ZNRF3: variants seen among roughly 807,000 people sequenced by gnomAD.
ZNRF3 encodes the protein zinc and ring finger 3.
A neutral mutation model predicts 72.5 loss-of-function variants in ZNRF3; 23 were observed. The ratio of observed to expected loss-of-function variants is 0.32; its 90% CI spans 0.23 to 0.45. The LOEUF (loss-of-function observed/expected upper bound fraction) is 0.45. Ranked by LOEUF, ZNRF3 falls within the 20% of genes least tolerant of loss-of-function variation. ZNRF3 has a pLI of 1.00. For missense variants in ZNRF3, 1,169 were observed against 1,272.1 expected, an observed-to-expected ratio of 0.92 and a Z score of 1.23; for synonymous variants, 610 against 545.3, an observed-to-expected ratio of 1.12 and a Z score of -1.65.
intron 2 of ZNRF3, among the ~76,000 whole-genome samples, chr22:29,001,269 C>G (rs2036140678): frequency 6.6e-6 from 1 of 151,432 alleles, no homozygotes. Context: ...CAGGGTTTCA[C>G]CATGTTAACC....
chr22:28,886,484 A>T (rs2033790230), intron 1 of ZNRF3, among the ~76,000 whole-genome samples: 1 of 152,214 alleles, frequency 6.6e-6, no homozygotes, highest in Non-Finnish European at 1.5e-5. Context: ...AAAAACCTTT[A>T]TAAGCTTTAG....
chr22:28,911,584 T>A (rs898046241), intron 1 of ZNRF3, among the ~76,000 whole-genome samples: 1 of 152,264 alleles, frequency 6.6e-6, no homozygotes, highest in Non-Finnish European at 1.5e-5. Context: ...TTAGCTGTTA[T>A]TAGTAACAAA....
chr22:29,003,055 T>A (rs1164620649), intron 2 of ZNRF3, among the ~76,000 whole-genome samples: 1 of 152,272 alleles, frequency 6.6e-6, no homozygotes, highest in African/African-American at 2.4e-5. Context: ...TTTGATGTTT[T>A]AGCACCCCAT....
At chr22:28,908,006 A>G (rs2034244014) in intron 1 of ZNRF3, among the ~76,000 whole-genome samples, 1 of 152,214 alleles carries the variant, frequency 6.6e-6, no homozygotes, top group Non-Finnish European at 1.5e-5. Context: ...ATGATGCTCT[A>G]CTTTTGGATC....
At position 29,049,828 on chromosome 22, in the gene ZNRF3, C is replaced by T. The variant is rs2037154077; in HGVS notation, c.1647C>T (p.Ser549=). The part of the protein sequence containing the change: ...CSGYLADCPG[S]DSSSSSSSGQ... ...GCTACCTGGCCGACTGCCCAGGCAG[C>T]GACAGCAGCAGCAGCAGCAGCTCCG... is the stretch of plus-strand genomic sequence containing the variant. Residue 549 remains serine, a synonymous_variant, in exon 8 of 9, where the codon AGC becomes AGT. Transcript: ENST00000544604. This position sits in a 1 kb window ranked among gnomAD's most constrained non-coding sequence, Gnocchi z 5.2. 12 of 1,608,520 alleles carry T rather than the reference C, an allele frequency of 7.5e-6. No homozygotes were observed. The highest frequency in any genetic ancestry group is 1.0e-5 in the Non-Finnish European group (12 of 1,177,418).
chr22:28,947,885 A>G (rs56728146), intron 1 of ZNRF3, among the ~76,000 whole-genome samples: 4,662 of 152,234 alleles, frequency 0.031, 254 homozygotes, highest in African/African-American at 0.11. Context: ...TTGCTCTGTC[A>G]CCAGGTTGGA....
chr22:28,900,086 C>A (rs1367002533), intron 1 of ZNRF3, among the ~76,000 whole-genome samples: 1 of 152,168 alleles, frequency 6.6e-6, no homozygotes, highest in Non-Finnish European at 1.5e-5. Flanking sequence ...CTTCTCTCAA[C>A]TCCTGCCAAC....
intron 1 of ZNRF3, among the ~76,000 whole-genome samples, chr22:28,929,051 G>A (rs1485283926): frequency 1.3e-5 from 2 of 152,078 alleles, no homozygotes; most frequent in Admixed American, 6.5e-5. Context: ...AACCATCCAT[G>A]AGACAAAAAA....
At chr22:28,955,161 C>G (rs2035237198) in intron 1 of ZNRF3, among the ~76,000 whole-genome samples, 1 of 151,702 alleles carries the variant, frequency 6.6e-6, no homozygotes, top group Admixed American at 6.6e-5. Context: ...CTGCCTCACC[C>G]TCTGGAGTAG....
At chr22:29,016,148 T>C (rs771934973) in intron 2 of ZNRF3, among the ~76,000 whole-genome samples, 26 of 152,176 alleles carry the variant, frequency 1.7e-4, no homozygotes, top group Non-Finnish European at 3.4e-4. Flanking sequence ...GTGAAGGTTG[T>C]TGTCATAGTT....
At chr22:28,913,872 C>T (rs911907472) in intron 1 of ZNRF3, among the ~76,000 whole-genome samples, 14 of 152,096 alleles carry the variant, frequency 9.2e-5, no homozygotes, top group African/African-American at 3.1e-4. Flanking sequence ...CTTGACTTAC[C>T]AAACTTTGGG....
At chr22:29,015,044 A>G (rs963009889) in intron 2 of ZNRF3, among the ~76,000 whole-genome samples, 1 of 152,228 alleles carries the variant, frequency 6.6e-6, no homozygotes, top group Non-Finnish European at 1.5e-5. Flanking sequence ...CTAACCCATC[A>G]AACAGCACTT....
intron 2 of ZNRF3, among the ~76,000 whole-genome samples, chr22:28,997,407 G>C (rs1453237377): frequency 6.6e-6 from 1 of 151,860 alleles, no homozygotes; most frequent in Non-Finnish European, 1.5e-5. Flanking sequence ...TCAGGGTTGG[G>C]GGGTGGGAGT....
intron 1 of ZNRF3, among the ~76,000 whole-genome samples, chr22:28,967,511 T>G (rs1053037190): frequency 1.3e-5 from 2 of 152,226 alleles, no homozygotes; most frequent in Non-Finnish European, 2.9e-5. Flanking sequence ...AAGAAAAGAC[T>G]ACCTTTGAAT....
At chr22:28,943,266 C>T (rs1247223110) in intron 1 of ZNRF3, among the ~76,000 whole-genome samples, 2 of 152,030 alleles carry the variant, frequency 1.3e-5, no homozygotes, top group Non-Finnish European at 2.9e-5. Flanking sequence ...GGAGCTGTAC[C>T]TTTGTGGTTC....
chr22:29,038,816 A>T (rs998227357), intron 2 of ZNRF3, among the ~76,000 whole-genome samples: 2 of 152,168 alleles, frequency 1.3e-5, no homozygotes, highest in African/African-American at 4.8e-5. Context: ...TTTTAATAGT[A>T]GTTTACATTA....
chr22:28,987,264 G>T, intron 2 of ZNRF3, 63 bp downstream of exon 2: 1 of 1,563,004 alleles, frequency 6.4e-7, no homozygotes, highest in South Asian at 1.2e-5. Context: ...TTCCATTTCA[G>T]CATTCCTCAA....
chr22:28,983,751 C>A (rs971424967), intron 1 of ZNRF3, among the ~76,000 whole-genome samples: 2 of 152,114 alleles, frequency 1.3e-5, no homozygotes, highest in African/African-American at 4.8e-5. Context: ...AACGTGTGTC[C>A]CATGAAATAG....
intron 1 of ZNRF3, among the ~76,000 whole-genome samples, chr22:28,901,817 T>A (rs1304242696): frequency 6.6e-6 from 1 of 151,640 alleles, no homozygotes; most frequent in Non-Finnish European, 1.5e-5. Flanking sequence ...ATTTTTTGTA[T>A]TTTTAGTAGA....
Sources: allele counts gnomAD v4.1 joint callset (sites outside exome capture counted in the v4.1 genomes callset), GRCh38; gene constraint gnomAD v4.1.1; non-coding constraint Gnocchi (gnomAD v3.1); transcripts MANE v1.5; gene names NCBI Gene and HGNC (gene_info 2026-07-23, HGNC 2026-07-21).